Variants in ZFHX3 observed in about 807,000 individuals in gnomAD.
The protein encoded by ZFHX3 is zinc finger homeobox protein 3.
In ZFHX3, 42 loss-of-function variants were observed where a neutral mutation model predicts 279.1. The ratio of observed to expected loss-of-function variants is 0.15; its 90% CI spans 0.12 to 0.19. The LOEUF is 0.19. Among genes scored for constraint, ZFHX3 ranks in the 10% least tolerant of loss-of-function variants. The pLI, the probability that ZFHX3 is intolerant of heterozygous loss-of-function variation, is 1.00. For missense variants in ZFHX3, 4,981 were observed against 4,754.0 expected (o/e 1.05, Z -1.40); for synonymous variants, 2,293 against 1,957.8 (o/e 1.17, Z -4.52).
chr16:73,011,118 A>G (rs529345368), intron 1 of ZFHX3, among the ~76,000 whole-genome samples: 24 of 152,162 alleles, frequency 1.6e-4, no homozygotes, highest in African/African-American at 5.8e-4. Flanking sequence ...AGTAGCTGGG[A>G]CTACAGGCAT....
intron 7 of ZFHX3, among the ~76,000 whole-genome samples, chr16:73,098,237 T>C (rs1238552702): frequency 6.6e-6 from 1 of 151,804 alleles, no homozygotes; most frequent in Non-Finnish European, 1.5e-5. Context: ...CCAGTTAATT[T>C]TTTTGTATTT....
intron 3 of ZFHX3, among the ~76,000 whole-genome samples, chr16:72,933,542 GCTGT>G (rs1164971145): frequency 2.6e-5 from 4 of 151,842 alleles, no homozygotes; most frequent in African/African-American, 4.8e-5. Context: ...TTAATGCTTT[GCTGT>G]CTATTTTACA....
chr16:73,537,639 T>A (rs2019928840), intron 2 of ZFHX3, among the ~76,000 whole-genome samples: 1 of 152,132 alleles, frequency 6.6e-6, no homozygotes, highest in Non-Finnish European at 1.5e-5. Flanking sequence ...GATCAGCAAA[T>A]ATAGAGGCTA....
intron 1 of ZFHX3, among the ~76,000 whole-genome samples, chr16:73,887,606 T>A (rs1360199898): frequency 6.6e-6 from 1 of 151,998 alleles, no homozygotes; most frequent in Non-Finnish European, 1.5e-5. Context: ...AGTGAATGCT[T>A]CTTTAGAGTA....
At chr16:73,442,536 GA>G (rs1189931892) in intron 3 of ZFHX3, among the ~76,000 whole-genome samples, 1 of 152,032 alleles carries the variant, frequency 6.6e-6, no homozygotes, top group Admixed American at 6.6e-5. Flanking sequence ...CCATGTAAGT[GA>G]AAAAACCCCA....
In ZFHX3 at chr16:72,795,268, G is replaced by A; in HGVS notation, c.7414C>T (p.Pro2472Ser). The change falls in exon 9 of 10, where the codon CCC (proline) becomes TCC (serine). Residue 2472 changes from proline to serine, a missense_variant. Around this residue, in one of 7 missense-constraint regions of ZFHX3, gnomAD observed 744 missense variants for 701.3 expected, o/e 1.06. Coordinates refer to ENST00000268489, the MANE Select transcript of ZFHX3 (RefSeq NM_006885.4). Reference sequence around the variant, plus strand: ...AACGAAGGCAGGGACACCAGCTGGGGGAGCTTCTGCTGGGGAGTGTTGGTC... The same window carrying A: ...AACGAAGGCAGGGACACCAGCTGGGAGAGCTTCTGCTGGGGAGTGTTGGTC... ...QKTNTPQQKL[P>S]QLVSLPSLPQ... is the part of the protein sequence containing the mutation. The A allele has an allele frequency of 6.2e-7, 1 of 1,612,930 alleles. No individual in the cohort carries two copies.
At chr16:73,868,472 G>A (rs775065071) in intron 1 of ZFHX3, among the ~76,000 whole-genome samples, 4 of 152,146 alleles carry the variant, frequency 2.6e-5, no homozygotes, top group Admixed American at 6.5e-5. Context: ...TGCAGTGAGC[G>A]GAGATCACGC....
rs1782111084 is a variant in ZFHX3 at position 72,959,283 on chromosome 16, T to C, written c.863A>G (p.Lys288Arg). 2.5e-6 allele frequency: 4 copies of C among 1,614,228 alleles called. No individual in the cohort carries two copies. Among genetic ancestry groups the C allele is most frequent in the Non-Finnish European group, 3.4e-6 (4 of 1,180,044 alleles). Residue 288 changes from lysine to arginine, a missense_variant, in exon 2 of 10, where the codon AAA becomes AGA. By Grantham distance (26) the Lys-to-Arg change is conservative. Transcript: ENST00000268489. Reference sequence around the variant, plus strand: ...CGAACGGACGTACCCAAAGGAGAGTTTGCACAAGAAACACATCAGGATGGG... The same window carrying C: ...CGAACGGACGTACCCAAAGGAGAGTCTGCACAAGAAACACATCAGGATGGG... The part of the protein sequence containing the change: ...RKPILMCFLC[K>R]LSFGYVRSFV...
At chr16:73,355,850 A>G (rs2016331739) in intron 3 of ZFHX3, among the ~76,000 whole-genome samples, 1 of 152,162 alleles carries the variant, frequency 6.6e-6, no homozygotes, top group South Asian at 2.1e-4. Flanking sequence ...GGCTTGACGC[A>G]TAGTAGGAGC....
chr16:73,489,952 G>A (rs2143644261), intron 2 of ZFHX3, among the ~76,000 whole-genome samples: 1 of 152,214 alleles, frequency 6.6e-6, no homozygotes, highest in East Asian at 1.9e-4. Context: ...AATGATAACA[G>A]TGTCTCCATT....
intron 1 of ZFHX3, among the ~76,000 whole-genome samples, chr16:73,848,760 A>G (rs923282628): frequency 6.6e-6 from 1 of 152,214 alleles, no homozygotes; most frequent in Non-Finnish European, 1.5e-5. Flanking sequence ...AACTTAGTAC[A>G]TCGCTATGAA....
chr16:72,905,668 G>C (rs2039152319), intron 3 of ZFHX3, among the ~76,000 whole-genome samples: 1 of 152,142 alleles, frequency 6.6e-6, no homozygotes, highest in African/African-American at 2.4e-5. Flanking sequence ...CAGATAAAAA[G>C]AATGTGGTAC....
chr16:73,248,858 T>C (rs2013392131), intron 5 of ZFHX3, among the ~76,000 whole-genome samples: 1 of 152,158 alleles, frequency 6.6e-6, no homozygotes, highest in Non-Finnish European at 1.5e-5. Flanking sequence ...CTGAGCAGGA[T>C]GGTATTTTAA....
chr16:73,428,389 C>T (rs1489535765), intron 3 of ZFHX3, among the ~76,000 whole-genome samples: 1 of 152,124 alleles, frequency 6.6e-6, no homozygotes, highest in African/African-American at 2.4e-5. Flanking sequence ...TCGGTCCATG[C>T]AATGCACGAG....
chr16:72,785,644 C>A lies in ZFHX3; in HGVS notation c.*1520G>T, dbSNP rs1352116787. Reference sequence around the variant, plus strand: ...TATTTAAAGCATGAAATTTTTTTTTCTGAGAGAGGAAAGAAAAAACAAACA... The same window carrying A: ...TATTTAAAGCATGAAATTTTTTTTTATGAGAGAGGAAAGAAAAAACAAACA... On this transcript the variant is annotated 3_prime_UTR_variant, in exon 10 of 10. Transcript: ENST00000268489. 1 of 151,036 alleles carries A rather than the reference C, an allele frequency of 6.6e-6. No individual in the cohort carries two copies. The highest frequency in any genetic ancestry group is 2.4e-5 in the African/African-American group (1 of 40,952). The allele number at this position is 151,036 out of a possible 1,614,324, so 9.4% of individuals were successfully genotyped here.
At chr16:73,249,765 G>C (rs534063922) in intron 5 of ZFHX3, among the ~76,000 whole-genome samples, 15 of 144,878 alleles carry the variant, frequency 1.0e-4, no homozygotes, top group Middle Eastern at 3.4e-3. Flanking sequence ...TGACATATAA[G>C]TAAGAAAAAA....
intron 1 of ZFHX3, among the ~76,000 whole-genome samples, chr16:73,792,856 A>AACC (rs1959869300): frequency 7.4e-6 from 1 of 135,100 alleles, no homozygotes; most frequent in Admixed American, 7.5e-5. Flanking sequence ...CATACAGTGC[A>AACC]CCCCCCCCCT....
Position 72,959,270 on chromosome 16 carries a change from C to A in ZFHX3, c.876G>T (p.Gly292=), listed in dbSNP as rs1961438569. The A allele has an allele frequency of 6.2e-7, 1 of 1,614,170 alleles. No individual in the cohort carries two copies. ...CGTGGGTCACAAACGAACGGACGTACCCAAAGGAGAGTTTGCACAAGAAAC... is the reference window on the plus strand; with the variant it reads ...CGTGGGTCACAAACGAACGGACGTAACCAAAGGAGAGTTTGCACAAGAAAC... The part of the protein sequence containing the change: ...LMCFLCKLSF[G]YVRSFVTHAV... Residue 292 remains glycine, a synonymous_variant, in exon 2 of 10, where the codon GGG becomes GGT. Coordinates refer to ENST00000268489, the MANE Select transcript of ZFHX3 (RefSeq NM_006885.4).
chr16:73,506,113 T>G (rs766157137), intron 2 of ZFHX3, among the ~76,000 whole-genome samples: 1 of 152,036 alleles, frequency 6.6e-6, no homozygotes. Flanking sequence ...AAACCTAGAG[T>G]GGATCAAGGA....
Sources: allele counts gnomAD v4.1 joint callset (sites outside exome capture counted in the v4.1 genomes callset), GRCh38; gene constraint gnomAD v4.1.1; regional missense constraint gnomAD v4.1.1; transcripts MANE v1.5; gene names NCBI Gene and HGNC (gene_info 2026-07-23, HGNC 2026-07-21).